CTNNA3: variants seen among roughly 807,000 people sequenced by gnomAD.
CTNNA3 encodes the protein catenin alpha 3.
Under a neutral mutation model 95.7 loss-of-function variants are expected in CTNNA3, and 76 were observed. The observed-to-expected ratio is 0.79, with a 90% CI of 0.66 to 0.96. The LOEUF (loss-of-function observed/expected upper bound fraction) is 0.96. Among genes scored for constraint, CTNNA3 ranks in the 40% least tolerant of loss-of-function variants. The probability of loss-of-function intolerance (pLI) is 0.00; values close to 1 mark genes in which losing one functional copy is unlikely to be tolerated. For synonymous variants in CTNNA3, 431 were observed against 374.4 expected, an observed-to-expected ratio of 1.15 and a Z score of -1.74; for missense variants, 1,191 against 1,089.8, an observed-to-expected ratio of 1.09 and a Z score of -1.31.
intron 6 of CTNNA3, among the ~76,000 whole-genome samples, chr10:67,213,620 A>C (rs1864231202): frequency 6.6e-6 from 1 of 151,694 alleles, no homozygotes; most frequent in Non-Finnish European, 1.5e-5. Context: ...ATATCGCTCA[A>C]GTTTTGTTGT....
chr10:67,274,499 T>C lies in CTNNA3; in HGVS notation c.580-54629A>G, dbSNP rs536655060. Reference sequence around the variant, plus strand: ...GACATTGGCAAATTTACAATCGCCATGAGAGATTATACCACATCTCTTTTG... The same window carrying C: ...GACATTGGCAAATTTACAATCGCCACGAGAGATTATACCACATCTCTTTTG... On this transcript the variant is annotated intron_variant, in intron 5 of 17. Coordinates refer to ENST00000433211, the MANE Select transcript of CTNNA3 (RefSeq NM_013266.4). 1.1e-4 allele frequency among the ~76,000 whole-genome samples: 17 copies of C among 152,240 alleles called. No homozygotes were observed. In the South Asian group the frequency reaches 3.3e-3, roughly 30 times the overall value.
chr10:66,766,372 A>G lies in CTNNA3; in HGVS notation c.1173T>C (p.Asp391=), dbSNP rs1839856228. 1 of 1,613,682 alleles carries G rather than the reference A, an allele frequency of 6.2e-7. No individual in the cohort carries two copies. Among genetic ancestry groups the G allele is most frequent in the African/African-American group, 1.3e-5 (1 of 74,916 alleles). The part of the protein sequence containing the change: ...IIDHVSDSFL[D]TTVPLLVLIE... ...TGAGAACCAAAAGAGGGACTGTCGTATCCAGGAAAGAGTCTGACACATGAT... is the reference window on the plus strand; with the variant it reads ...TGAGAACCAAAAGAGGGACTGTCGTGTCCAGGAAAGAGTCTGACACATGAT... The change falls in exon 9 of 18, where the codon GAT becomes GAC. Residue 391 remains aspartate (D), a synonymous_variant. Coordinates refer to ENST00000433211, the MANE Select transcript of CTNNA3 (RefSeq NM_013266.4).
At chr10:67,630,772 C>T (rs550077089) in intron 2 of CTNNA3, among the ~76,000 whole-genome samples, 1 of 151,896 alleles carries the variant, frequency 6.6e-6, no homozygotes, top group Admixed American at 6.5e-5. Context: ...GATATATTTA[C>T]AGTCAGAAAA....
intron 13 of CTNNA3, among the ~76,000 whole-genome samples, chr10:66,192,973 C>T (rs146213019): frequency 1.8e-3 from 281 of 152,160 alleles, no homozygotes; most frequent in African/African-American, 6.2e-3. Flanking sequence ...TATAGGATAA[C>T]GTCTGACATG....
intron 3 of CTNNA3, among the ~76,000 whole-genome samples, chr10:67,562,535 C>A (rs1424784411): frequency 2.0e-5 from 3 of 152,184 alleles, no homozygotes; most frequent in African/African-American, 4.8e-5. Context: ...CAATATCATA[C>A]TGAATGGGCA....
intron 7 of CTNNA3, among the ~76,000 whole-genome samples, chr10:66,809,438 A>C (rs1229998741): frequency 6.6e-6 from 1 of 152,074 alleles, no homozygotes; most frequent in East Asian, 1.9e-4. Flanking sequence ...TCCATTACTA[A>C]CTTTTTACTT....
At chr10:67,700,584 A>G (rs2133602301), upstream of CTNNA3, among the ~76,000 whole-genome samples, 1 of 152,342 alleles carries the variant, frequency 6.6e-6, no homozygotes, top group East Asian at 1.9e-4. Flanking sequence ...TAGAAGGAAA[A>G]CTAACAAACA....
intron 1 of CTNNA3, among the ~76,000 whole-genome samples, chr10:67,722,564 G>T (rs1245603930): frequency 6.6e-6 from 1 of 152,102 alleles, no homozygotes; most frequent in East Asian, 1.9e-4. Flanking sequence ...AGTAGCTTGG[G>T]ACTGTATTGA....
intron 7 of CTNNA3, among the ~76,000 whole-genome samples, chr10:67,116,618 A>T (rs1025023361): frequency 6.6e-6 from 1 of 151,436 alleles, no homozygotes; most frequent in Non-Finnish European, 1.5e-5. Flanking sequence ...AGTTTATATA[A>T]AGGCTACAGT....
chr10:65,926,541 A>G (rs528277972), intron 17 of CTNNA3, among the ~76,000 whole-genome samples: 76 of 151,036 alleles, frequency 5.0e-4, no homozygotes, highest in African/African-American at 1.7e-3. Flanking sequence ...CAATGGTTCA[A>G]TTTTGGCTCA....
chr10:67,550,873 A>T (rs112473951), intron 3 of CTNNA3, among the ~76,000 whole-genome samples: 3,301 of 151,980 alleles, frequency 0.022, 149 homozygotes, highest in African/African-American at 0.075. Flanking sequence ...GGCTACTCCC[A>T]TGAAACTTAC....
intron 9 of CTNNA3, among the ~76,000 whole-genome samples, chr10:66,671,539 A>C (rs1846661528): frequency 6.6e-6 from 1 of 152,204 alleles, no homozygotes; most frequent in African/African-American, 2.4e-5. Flanking sequence ...AAAATGGCCG[A>C]TTTTAAAGTA....
At chr10:67,379,389 T>C (rs1409516424) in intron 5 of CTNNA3, among the ~76,000 whole-genome samples, 2 of 152,190 alleles carry the variant, frequency 1.3e-5, no homozygotes, top group Non-Finnish European at 2.9e-5. Context: ...ACTATGATCA[T>C]TATATGCTAT....
At chr10:66,544,127 C>T (rs1841964531) in intron 10 of CTNNA3, among the ~76,000 whole-genome samples, 2 of 151,754 alleles carry the variant, frequency 1.3e-5, no homozygotes, top group South Asian at 2.1e-4. Flanking sequence ...TGACTCAAGG[C>T]TTCATTGGCT....
At chr10:67,598,439 C>T (rs529562078) in intron 3 of CTNNA3, among the ~76,000 whole-genome samples, 151 of 152,174 alleles carry the variant, frequency 9.9e-4, no homozygotes, top group African/African-American at 3.4e-3. Context: ...CAACTTCCTC[C>T]CCCCTTCAGC....
chr10:66,976,923 G>T (rs538251871), intron 7 of CTNNA3, among the ~76,000 whole-genome samples: 1 of 152,178 alleles, frequency 6.6e-6, no homozygotes, highest in Non-Finnish European at 1.5e-5. Context: ...CTTATCATTT[G>T]GTTACTGAAA....
At chr10:66,675,347 G>T in intron 9 of CTNNA3, among the ~76,000 whole-genome samples, 1 of 150,930 alleles carries the variant, frequency 6.6e-6, no homozygotes, top group African/African-American at 2.4e-5. Flanking sequence ...TGCTTCTTTA[G>T]TCATTTTCAT....
intron 10 of CTNNA3, among the ~76,000 whole-genome samples, chr10:66,535,112 T>C (rs778333295): frequency 4.6e-5 from 7 of 151,902 alleles, no homozygotes; most frequent in Non-Finnish European, 1.0e-4. Flanking sequence ...AAAGAACCTA[T>C]GGCCTACATT....
intron 6 of CTNNA3, among the ~76,000 whole-genome samples, chr10:67,209,781 GA>G (rs747465051): frequency 2.7e-5 from 4 of 148,902 alleles, no homozygotes; most frequent in Non-Finnish European, 4.5e-5. Context: ...ATAAGGCAAA[GA>G]AAAAAAAACT....
Sources: allele counts gnomAD v4.1 joint callset (sites outside exome capture counted in the v4.1 genomes callset), GRCh38; gene constraint gnomAD v4.1.1; transcripts MANE v1.5; gene names NCBI Gene and HGNC (gene_info 2026-07-23, HGNC 2026-07-21).